The following TAF1B variants were observed in gnomAD, a reference collection of about 807,000 sequenced individuals.
The protein encoded by TAF1B is TATA-box binding protein associated factor, RNA polymerase I subunit B.
A neutral mutation model predicts 83.9 loss-of-function variants in TAF1B; 61 were observed. The ratio of observed to expected loss-of-function variants is 0.73; its 90% CI spans 0.59 to 0.90. The LOEUF (loss-of-function observed/expected upper bound fraction) is 0.90, where lower values mean the gene tolerates loss of function less well. TAF1B is among the 40% of genes least tolerant of loss of function. The pLI is 0.00. For missense variants in TAF1B, 625 were observed against 677.0 expected (o/e 0.92, Z 0.85); for synonymous variants, 221 against 224.6 (o/e 0.98, Z 0.14).
intron 12 of TAF1B, among the ~76,000 whole-genome samples, chr2:9,915,218 A>G (rs899429693): frequency 6.6e-6 from 1 of 152,198 alleles, no homozygotes; most frequent in Non-Finnish European, 1.5e-5. Context: ...GTTCACTGCT[A>G]ATTTTTGCCT....
intron 9 of TAF1B, among the ~76,000 whole-genome samples, chr2:9,907,286 G>A (rs1373579503): frequency 1.3e-5 from 2 of 151,026 alleles, no homozygotes; most frequent in Non-Finnish European, 2.9e-5. Flanking sequence ...CAGTTGGTTT[G>A]CAAACCACCC....
intron 6 of TAF1B, among the ~76,000 whole-genome samples, chr2:9,871,229 G>A (rs922305680): frequency 8.5e-5 from 13 of 152,050 alleles, no homozygotes; most frequent in Non-Finnish European, 1.6e-4. Context: ...ACAGGCGCCC[G>A]CCACCATGCC....
At chr2:9,844,844 C>G (rs1055750597) in intron 1 of TAF1B, among the ~76,000 whole-genome samples, 7 of 152,110 alleles carry the variant, frequency 4.6e-5, no homozygotes, top group Admixed American at 3.3e-4. Flanking sequence ...GTGGTATGCG[C>G]TTTTAGTGTC....
chr2:9,875,682 C>G (rs1347131308), intron 6 of TAF1B, among the ~76,000 whole-genome samples, 183 bp from the exon 7 acceptor site: 3 of 152,178 alleles, frequency 2.0e-5, no homozygotes, highest in African/African-American at 7.2e-5. Context: ...GATTCAATTA[C>G]TTTCCCCAGG....
chr2:9,922,094 C>T (rs1157437921), intron 14 of TAF1B, among the ~76,000 whole-genome samples: 1 of 152,166 alleles, frequency 6.6e-6, no homozygotes, highest in African/African-American at 2.4e-5. Flanking sequence ...TTTCTAGTAG[C>T]TAAGAGGACT....
At chr2:9,904,523 T>C (rs776571750) in intron 8 of TAF1B, among the ~76,000 whole-genome samples, 2 of 152,212 alleles carry the variant, frequency 1.3e-5, no homozygotes, top group Admixed American at 6.5e-5. Context: ...TTTAGGTTGA[T>C]TCCATGTCTT....
intron 14 of TAF1B, among the ~76,000 whole-genome samples, chr2:9,925,942 C>T (rs1273431015): frequency 6.6e-6 from 1 of 152,120 alleles, no homozygotes; most frequent in Non-Finnish European, 1.5e-5. Context: ...TTATGTAAAT[C>T]ATAATATCTC....
Position 9,914,590 on chromosome 2 carries a change from G to T in TAF1B, c.1271+1341G>T, listed in dbSNP as rs565271886. 2.6e-5 allele frequency among the ~76,000 whole-genome samples: 4 copies of T among 152,232 alleles called. No individual in the cohort carries two copies. The South Asian group carries it at 6.2e-4, about 24-fold the overall frequency. ...CTACACTTTAAACATAGCTCTTGGA[G>T]GCCCAGTTCATTATTGCAGTGTTAT... On this transcript the variant is annotated intron_variant, in intron 12 of 14. Coordinates refer to ENST00000263663, the MANE Select transcript of TAF1B (RefSeq NM_005680.3). This position sits in a 1 kb window ranked among gnomAD's most constrained non-coding sequence, Gnocchi z 4.3.
chr2:9,861,957 A>G (rs1663782228), intron 5 of TAF1B, among the ~76,000 whole-genome samples: 1 of 151,978 alleles, frequency 6.6e-6, no homozygotes, highest in Non-Finnish European at 1.5e-5. Flanking sequence ...CGTCACCATC[A>G]TCAAAGACCA....
chr2:9,854,252 C>A (rs776159417), intron 4 of TAF1B, 74 bp from the exon 5 acceptor site: 113 of 959,296 alleles, frequency 1.2e-4, no homozygotes, highest in Non-Finnish European at 1.8e-4. Context: ...TACAAGAGAG[C>A]TGTGGTGTAG....
intron 6 of TAF1B, 136 bp downstream of exon 6, chr2:9,868,565 G>C: frequency 8.0e-7 from 1 of 1,248,762 alleles, no homozygotes; most frequent in Non-Finnish European, 1.1e-6. Context: ...AGAATGACTT[G>C]CTGAATCATA....
chr2:9,910,997 C>A, intron 10 of TAF1B, 84 bp downstream of exon 10: 4 of 1,322,530 alleles, frequency 3.0e-6, no homozygotes, highest in South Asian at 1.5e-5. Context: ...GTCATGAAGA[C>A]ACTTTAAAAA....
intron 12 of TAF1B, among the ~76,000 whole-genome samples, chr2:9,917,529 A>G (rs1306533968): frequency 6.6e-6 from 1 of 152,204 alleles, no homozygotes; most frequent in Non-Finnish European, 1.5e-5. Flanking sequence ...TAATTATTGT[A>G]TAGGATTTAA....
intron 7 of TAF1B, among the ~76,000 whole-genome samples, chr2:9,880,651 CAT>C: frequency 6.6e-6 from 1 of 152,092 alleles, no homozygotes; most frequent in South Asian, 2.1e-4. Flanking sequence ...TCTACTGACT[CAT>C]GTGCAGGCTG....
intron 14 of TAF1B, among the ~76,000 whole-genome samples, chr2:9,927,892 CT>C (rs1181585764): frequency 1.3e-5 from 2 of 152,116 alleles, no homozygotes; most frequent in African/African-American, 4.8e-5. Context: ...TCTATTTTGG[CT>C]TTTGTTGCCA....
At position 9,859,221 on chromosome 2, in the gene TAF1B, T is replaced by A. The variant is rs529534176; in HGVS notation, c.399+4800T>A. Among the ~76,000 whole-genome samples the A allele has an allele frequency of 3.9e-5, 6 of 152,190 alleles. No homozygotes were observed. The South Asian group carries it at 1.2e-3, about 32-fold the overall frequency. On this transcript the variant is annotated intron_variant, in intron 5 of 14. Transcript: ENST00000263663. ...TTTCTGCCAGATACCCTGAATCATC[T>A]TTCTCAGCTTCAAAGTTCTGCAGAT...
At chr2:9,870,176 A>T (rs1664122807) in intron 6 of TAF1B, among the ~76,000 whole-genome samples, 1 of 152,184 alleles carries the variant, frequency 6.6e-6, no homozygotes, top group Admixed American at 6.5e-5. Context: ...AATCGTAAAA[A>T]TAAAAAATTG....
chr2:9,897,422 C>G (rs1008805822), intron 8 of TAF1B, among the ~76,000 whole-genome samples: 1 of 152,160 alleles, frequency 6.6e-6, no homozygotes, highest in African/African-American at 2.4e-5. Flanking sequence ...TTTCATCATC[C>G]CTCACTAGAC....
chr2:9,895,289 C>G (rs1664984529), intron 8 of TAF1B, among the ~76,000 whole-genome samples: 1 of 152,172 alleles, frequency 6.6e-6, no homozygotes, highest in Non-Finnish European at 1.5e-5. Context: ...CCCTTAAGCC[C>G]CAGAGTTTGA....
Sources: gnomAD v4.1 joint callset for allele counts (sites outside exome capture counted in the v4.1 genomes callset) on GRCh38, gnomAD v4.1.1 for gene constraint, Gnocchi (gnomAD v3.1) non-coding constraint, MANE v1.5 for transcripts, NCBI Gene and HGNC (gene_info 2026-07-23, HGNC 2026-07-21) for gene names.